MSC: variants seen among roughly 807,000 people sequenced by gnomAD.
MSC encodes the protein musculin.
A neutral mutation model predicts 14.4 loss-of-function variants in MSC; 16 were observed. The observed-to-expected ratio is 1.11, with a 90% confidence interval of 0.75 to 1.69. The LOEUF (loss-of-function observed/expected upper bound fraction) is 1.69, where lower values mean the gene tolerates loss of function less well. Among genes scored for constraint, MSC ranks in the 40% most tolerant of loss-of-function variants. The probability of loss-of-function intolerance (pLI) is 0.00; values close to 1 mark genes in which losing one functional copy is unlikely to be tolerated. For synonymous variants in MSC, 165 were observed against 128.5 expected, an observed-to-expected ratio of 1.28 and a Z score of -1.92; for missense variants, 320 against 288.1, an observed-to-expected ratio of 1.11 and a Z score of -0.80.
chr8:71,842,479 G>A lies in MSC; in HGVS notation c.*182C>T, dbSNP rs993256237. Reference sequence around the variant, plus strand: ...GCCCAGATCCGGCGCAGCTGTAGCCGTGGGCGCTGTGCAGTGACAGCCACA... The same window carrying A: ...GCCCAGATCCGGCGCAGCTGTAGCCATGGGCGCTGTGCAGTGACAGCCACA... On this transcript the variant is annotated 3_prime_UTR_variant, in exon 2 of 2. Coordinates refer to ENST00000325509, the MANE Select transcript of MSC (RefSeq NM_005098.4). The A allele has an allele frequency of 2.7e-5, 18 of 669,304 alleles. No individual in the cohort carries two copies. The highest frequency in any genetic ancestry group is 3.5e-5 in the Non-Finnish European group (13 of 372,156). 41.5% of individuals were successfully genotyped at this position (669,304 alleles called of 1,614,324 possible).
Position 71,844,053 on chromosome 8 carries a change from A to C in MSC, c.126T>G (p.Ser42Arg). 4.5e-6 allele frequency: 7 copies of C among 1,545,794 alleles called. No homozygotes were observed. Among genetic ancestry groups the C allele is most frequent in the Non-Finnish European group, 6.1e-6 (7 of 1,148,882 alleles). Reference sequence around the variant, plus strand: ...CCTCCTCCTCTGCCGACGAGTTGTCACTGGGCGAGGCGTAGCTGCGCTCTA... The same window carrying C: ...CCTCCTCCTCTGCCGACGAGTTGTCCCTGGGCGAGGCGTAGCTGCGCTCTA... ...RGVERSYASP[S>R]DNSSAEEEDP... is the part of the protein sequence containing the mutation. The change falls in exon 1 of 2, where the codon AGT (serine) becomes AGG (arginine). Residue 42 changes from serine (S) to arginine (R), a missense_variant. Ser to Arg is a moderately radical substitution (Grantham distance 110). Coordinates refer to ENST00000325509, the MANE Select transcript of MSC (RefSeq NM_005098.4).
chr8:71,843,912 A>G lies in MSC; in HGVS notation c.267T>C (p.Gly89=), dbSNP rs1807448816. 6.3e-7 allele frequency: 1 copy of G among 1,583,404 alleles called. No homozygotes were observed. The highest frequency in any genetic ancestry group is 1.1e-5 in the South Asian group (1 of 88,134). ...TGGCCGGGAGGGGCTTCTTGCCACC[A>G]CCGCCCGCGCTACCACCTGCGCCGC... The part of the protein sequence containing the change: ...GGGGAGGSAG[G]GGKKPLPAKG... The change falls in exon 1 of 2, where the codon GGT becomes GGC. Residue 89 remains glycine (G), a synonymous_variant. Coordinates refer to ENST00000325509, the MANE Select transcript of MSC (RefSeq NM_005098.4).
In MSC at chr8:71,842,420, A is replaced by C. The variant is rs1411601447; in HGVS notation, c.*241T>G. The C allele has an allele frequency of 7.8e-6, 4 of 515,024 alleles. No individual in the cohort carries two copies. The highest frequency in any genetic ancestry group is 7.7e-5 in the African/African-American group (4 of 51,840). The allele number at this position is 515,024 out of a possible 1,614,324, so 31.9% of individuals were successfully genotyped here. A position where few individuals can be genotyped will look rare whatever the true frequency, so the allele number is the denominator to read the frequency against. ...GACCTGCGTCCGCGTCTCGTCACGA[A>C]AGGAAGCTCTTTTTGGAGAGGCAAA... On this transcript the variant is annotated 3_prime_UTR_variant, in exon 2 of 2. Transcript: ENST00000325509.
At position 71,842,760 on chromosome 8, in the gene MSC, A is replaced by G. The variant is rs370186898; in HGVS notation, c.535-13T>C. The G allele has an allele frequency of 1.2e-4, 191 of 1,612,588 alleles. No homozygotes were observed. The highest frequency in any genetic ancestry group is 1.5e-4 in the Non-Finnish European group (178 of 1,178,630). ...CGAATGGCCATGTCTGTAAATCAAAAAGAACGTGAGATATTAGAGAGAAAC... is the reference window on the plus strand; with the variant it reads ...CGAATGGCCATGTCTGTAAATCAAAGAGAACGTGAGATATTAGAGAGAAAC... On this transcript the variant is annotated splice_polypyrimidine_tract_variant and intron_variant, in intron 1 of 1. Coordinates refer to ENST00000325509, the MANE Select transcript of MSC (RefSeq NM_005098.4).
In MSC at chr8:71,843,750, G is replaced by A. The variant is rs368948860; in HGVS notation, c.429C>T (p.Leu143=). ...SLPWVPPDTK[L]SKLDTLRLAS... Reference sequence around the variant, plus strand: ...CCAGCCGGAGCGTGTCCAGCTTGGAGAGCTTAGTGTCGGGGGGCACCCAGG... The same window carrying A: ...CCAGCCGGAGCGTGTCCAGCTTGGAAAGCTTAGTGTCGGGGGGCACCCAGG... Residue 143 remains leucine (L), a synonymous_variant, in exon 1 of 2, where the codon CTC becomes CTT. Transcript: ENST00000325509. 9 of 1,614,190 alleles carry A rather than the reference G, an allele frequency of 5.6e-6. No homozygotes were observed. Among genetic ancestry groups the A allele is most frequent in the East Asian group, 2.2e-5 (1 of 44,888 alleles).
At position 71,843,900 on chromosome 8, in the gene MSC, C is replaced by T. The variant is rs1469699558; in HGVS notation, c.279G>A (p.Lys93=). The change falls in exon 1 of 2, where the codon AAG becomes AAA. Residue 93 remains lysine (K), a synonymous_variant. Coordinates refer to ENST00000325509, the MANE Select transcript of MSC (RefSeq NM_005098.4). ...CGGCTGAGCCCTTGGCCGGGAGGGGCTTCTTGCCACCACCGCCCGCGCTAC... is the reference window on the plus strand; with the variant it reads ...CGGCTGAGCCCTTGGCCGGGAGGGGTTTCTTGCCACCACCGCCCGCGCTAC... ...AGGSAGGGGK[K]PLPAKGSAAE... is the part of the protein sequence containing the mutation. The T allele has an allele frequency of 6.3e-7, 1 of 1,595,360 alleles. No individual in the cohort carries two copies. The highest frequency in any genetic ancestry group is 8.5e-7 in the Non-Finnish European group (1 of 1,171,914).
intron 1 of MSC, 24 bp from the exon 2 acceptor site, chr8:71,842,771 A>C: frequency 6.2e-7 from 1 of 1,607,130 alleles, no homozygotes; most frequent in Non-Finnish European, 8.5e-7. Flanking sequence ...AGAACGTGAG[A>C]TATTAGAGAG....
At position 71,843,662 on chromosome 8, in the gene MSC, C is replaced by T. The variant is rs760063227; in HGVS notation, c.517G>A (p.Val173Met). 20 of 1,614,070 alleles carry T rather than the reference C, an allele frequency of 1.2e-5. No homozygotes were observed. In the African/African-American group the frequency reaches 2.0e-4, roughly 16 times the overall value. ...LQEDRYENGY[V>M]HPVNLTWPFV... The stretch of plus-strand genomic sequence containing the variant: ...GCCCCTACCAGGTTCACTGGGTGCA[C>T]GTAGCCGTTCTCATAGCGGTCCTCC... Residue 173 changes from valine (V) to methionine (M), a missense_variant, in exon 1 of 2, where the codon GTG becomes ATG. By Grantham distance (21) the Val-to-Met change is conservative (BLOSUM62 1). Coordinates refer to ENST00000325509, the MANE Select transcript of MSC (RefSeq NM_005098.4).
Position 71,844,058 on chromosome 8 carries a change from G to A in MSC, c.121C>T (p.Pro41Ser). 6.5e-7 allele frequency: 1 copy of A among 1,531,818 alleles called. No homozygotes were observed. 94.9% of individuals were successfully genotyped at this position (1,531,818 alleles called of 1,614,324 possible). Reference sequence around the variant, plus strand: ...TCCTCTGCCGACGAGTTGTCACTGGGCGAGGCGTAGCTGCGCTCTACGCCG... The same window carrying A: ...TCCTCTGCCGACGAGTTGTCACTGGACGAGGCGTAGCTGCGCTCTACGCCG... ...LRGVERSYASPSDNSSAEEED... is the reference protein window; with the variant it reads ...LRGVERSYASSSDNSSAEEED... The change falls in exon 1 of 2, where the codon CCC becomes TCC. Residue 41 changes from proline (P) to serine (S), a missense_variant. Physicochemically the swap from Pro to Ser is moderately conservative, Grantham distance 74 (BLOSUM62 -1). Transcript: ENST00000325509.
In MSC at chr8:71,844,216, C is replaced by T. The variant is rs757576774; in HGVS notation, c.-38G>A. On this transcript the variant is annotated 5_prime_UTR_variant, in exon 1 of 2. Transcript: ENST00000325509. ...CTTGCCCACACGCGTCCTCTTTCCT[C>T]CCCCCTGGCCAGTCTCGCTGTCTCC... The T allele has an allele frequency of 1.3e-6, 2 of 1,599,354 alleles. No homozygotes were observed. The highest frequency in any genetic ancestry group is 2.2e-5 in the East Asian group (1 of 44,606).
chr8:71,842,447 C>T lies in MSC; in HGVS notation c.*214G>A, dbSNP rs1166998575. 2 of 594,154 alleles carry T rather than the reference C, an allele frequency of 3.4e-6. No homozygotes were observed. Among genetic ancestry groups the T allele is most frequent in the African/African-American group, 1.9e-5 (1 of 53,916 alleles). 36.8% of individuals were successfully genotyped at this position (594,154 alleles called of 1,614,324 possible). ...GGAAGCTCTTTTTGGAGAGGCAAAA[C>T]GTGGTCGCCCAGATCCGGCGCAGCT... is the stretch of plus-strand genomic sequence containing the variant. On this transcript the variant is annotated 3_prime_UTR_variant, in exon 2 of 2. Transcript: ENST00000325509.
At chr8:71,843,570 A>C in intron 1 of MSC, 75 bp downstream of exon 1, 1 of 1,599,886 alleles carries the variant, frequency 6.3e-7, no homozygotes, top group Non-Finnish European at 8.6e-7. Context: ...CAACGGGCTG[A>C]CCCTGCCCGG....
rs764192144 is a variant in MSC at position 71,842,658 on chromosome 8, G to T, written c.*3C>A. 1 of 1,613,922 alleles carries T rather than the reference G, an allele frequency of 6.2e-7. No individual in the cohort carries two copies. The highest frequency in any genetic ancestry group is 8.5e-7 in the Non-Finnish European group (1 of 1,179,840). ...AATCCCATCAAGTGAGTTCCAGTCCGATTTAAGCGGTGGTTCCACATAGTC... is the reference window on the plus strand; with the variant it reads ...AATCCCATCAAGTGAGTTCCAGTCCTATTTAAGCGGTGGTTCCACATAGTC... On this transcript the variant is annotated 3_prime_UTR_variant, in exon 2 of 2. Transcript: ENST00000325509.
intron 1 of MSC, 89 bp downstream of exon 1, chr8:71,843,556 T>G: frequency 6.4e-7 from 1 of 1,574,168 alleles, no homozygotes. Context: ...TTTCGAATTC[T>G]TCCCAACGGG....
In MSC at chr8:71,843,988, G is replaced by A. The variant is rs767402149; in HGVS notation, c.191C>T (p.Ala64Val). The change falls in exon 1 of 2, where the codon GCC becomes GTC. Residue 64 changes from alanine to valine, a missense_variant. Coordinates refer to ENST00000325509, the MANE Select transcript of MSC (RefSeq NM_005098.4). ...GEEERCALGT[A>V]GSAEGCKRKR... is the part of the protein sequence containing the mutation. ...CCTCTTGCAGCCTTCCGCGCTGCCG[G>A]CTGTGCCCAGAGCGCAGCGCTCCTC... is the stretch of plus-strand genomic sequence containing the variant. The A allele has an allele frequency of 3.8e-6, 6 of 1,565,052 alleles. No homozygotes were observed. Among genetic ancestry groups the A allele is most frequent in the Non-Finnish European group, 5.2e-6 (6 of 1,157,040 alleles).
chr8:71,843,567 C>G, intron 1 of MSC, 78 bp downstream of exon 1: 1 of 1,598,118 alleles, frequency 6.3e-7, no homozygotes, highest in South Asian at 1.1e-5. Flanking sequence ...TCCCAACGGG[C>G]TGACCCTGCC....
Position 71,843,769 on chromosome 8 carries a change from ACCCAGGGCAGG to A in MSC, c.399_409del (p.Leu134AlafsTer5). On this transcript the variant is annotated frameshift_variant, in exon 1 of 2. Transcript: ENST00000325509. LOFTEE classifies it high-confidence loss of function. Reference sequence around the variant, plus strand: ...CTTGGAGAGCTTAGTGTCGGGGGGCACCCAGGGCAGGCTGGTCTTGAGCCTGGAGAAGGCTT... The same window carrying A: ...CTTGGAGAGCTTAGTGTCGGGGGGCACTGGTCTTGAGCCTGGAGAAGGCTT... The A allele has an allele frequency of 6.2e-7, 1 of 1,614,002 alleles. No homozygotes were observed. Among genetic ancestry groups the A allele is most frequent in the Non-Finnish European group, 8.5e-7 (1 of 1,180,018 alleles).
chr8:71,843,776 G>A lies in MSC; in HGVS notation c.403C>T (p.Pro135Ser), dbSNP rs1268431000. ...AGCTTAGTGTCGGGGGGCACCCAGGGCAGGCTGGTCTTGAGCCTGGAGAAG... is the reference window on the plus strand; with the variant it reads ...AGCTTAGTGTCGGGGGGCACCCAGGACAGGCTGGTCTTGAGCCTGGAGAAG... ...KAFSRLKTSL[P>S]WVPPDTKLSK... is the part of the protein sequence containing the mutation. Residue 135 changes from proline to serine, a missense_variant, in exon 1 of 2, where the codon CCC becomes TCC. Coordinates refer to ENST00000325509, the MANE Select transcript of MSC (RefSeq NM_005098.4). 1 of 1,614,034 alleles carries A rather than the reference G, an allele frequency of 6.2e-7. No homozygotes were observed. The highest frequency in any genetic ancestry group is 1.1e-5 in the South Asian group (1 of 91,090).
At chr8:71,843,448 G>T in intron 1 of MSC, 197 bp downstream of exon 1, 1 of 725,490 alleles carries the variant, frequency 1.4e-6, no homozygotes, top group South Asian at 1.5e-5. Context: ...AAACAGACAC[G>T]GAGGGTTGAT....
Sources: gnomAD v4.1 joint callset for allele counts on GRCh38, gnomAD v4.1.1 for gene constraint, MANE v1.5 for transcripts, NCBI Gene and HGNC (gene_info 2026-07-23, HGNC 2026-07-21) for gene names.